FHIT: variants seen among roughly 807,000 people sequenced by gnomAD.
FHIT encodes the protein bis(5'-adenosyl)-triphosphatase.
Under a neutral mutation model 17.9 loss-of-function variants are expected in FHIT, and 19 were observed. That is an observed-to-expected ratio of 1.06 (90% CI 0.74 to 1.56). The LOEUF (loss-of-function observed/expected upper bound fraction) is 1.56. Ranked by LOEUF, FHIT falls within the 40% of genes most tolerant of loss-of-function variation. The pLI, the probability that FHIT is intolerant of heterozygous loss-of-function variation, is 0.00. For missense variants in FHIT, 248 were observed against 189.2 expected, an observed-to-expected ratio of 1.31 and a Z score of -1.82; for synonymous variants, 81 against 69.7, an observed-to-expected ratio of 1.16 and a Z score of -0.81.
chr3:60,788,395 CTT>C (rs1700656355), intron 4 of FHIT, among the ~76,000 whole-genome samples: 1 of 152,090 alleles, frequency 6.6e-6, no homozygotes, highest in South Asian at 2.1e-4. Flanking sequence ...TTTGTGGAGA[CTT>C]TATACAACAA....
At chr3:60,186,865 T>C (rs1702181007) in intron 5 of FHIT, among the ~76,000 whole-genome samples, 1 of 152,072 alleles carries the variant, frequency 6.6e-6, no homozygotes, top group South Asian at 2.1e-4. Context: ...TCCTATGTTC[T>C]ACACTCCCTC....
At chr3:59,935,585 A>G (rs762461456) in intron 7 of FHIT, among the ~76,000 whole-genome samples, 4 of 152,030 alleles carry the variant, frequency 2.6e-5, no homozygotes, top group Admixed American at 6.6e-5. Flanking sequence ...CCCTAACCCT[A>G]GGTTCCTAGG....
chr3:60,079,617 AT>A (rs1386478017), intron 5 of FHIT, among the ~76,000 whole-genome samples: 1 of 151,688 alleles, frequency 6.6e-6, no homozygotes, highest in Non-Finnish European at 1.5e-5. Flanking sequence ...ACCTTCTCTT[AT>A]TTTTTTGTTT....
At chr3:60,317,662 C>T (rs1009480189) in intron 5 of FHIT, among the ~76,000 whole-genome samples, 1 of 143,914 alleles carries the variant, frequency 6.9e-6, no homozygotes, top group Admixed American at 7.0e-5. Context: ...TAATATTTTC[C>T]CCATTAACAA....
intron 4 of FHIT, among the ~76,000 whole-genome samples, chr3:60,614,915 C>T (rs1194128201): frequency 6.9e-5 from 10 of 145,152 alleles, no homozygotes; most frequent in South Asian, 2.2e-4. Flanking sequence ...CTACAACCTC[C>T]GCCTCCCAGG....
At position 60,672,911 on chromosome 3, in the gene FHIT, G is replaced by A. The variant is rs1273321018; in HGVS notation, c.-17-135932C>T. On this transcript the variant is annotated intron_variant, in intron 4 of 9. Transcript: ENST00000492590. The stretch of plus-strand genomic sequence containing the variant: ...TGTGTGTGTGTGTGTGTGTGTGCAT[G>A]CATGCTCTAGGACTAACAATATGCA... Among the ~76,000 whole-genome samples, 6 of 151,316 alleles carry A rather than the reference G, an allele frequency of 4.0e-5. No individual in the cohort carries two copies. The East Asian group carries it at 9.7e-4, about 25-fold the overall frequency.
intron 5 of FHIT, among the ~76,000 whole-genome samples, chr3:60,401,096 C>T (rs1039119740): frequency 6.6e-6 from 1 of 152,012 alleles, no homozygotes; most frequent in Non-Finnish European, 1.5e-5. Context: ...CCTGGTAGCA[C>T]CTGATTTAAA....
chr3:60,850,842 T>C (rs1192647125), intron 3 of FHIT, among the ~76,000 whole-genome samples: 2 of 152,200 alleles, frequency 1.3e-5, no homozygotes, highest in African/African-American at 4.8e-5. Context: ...TTACTTTGAA[T>C]AGCATCTTAT....
chr3:59,984,815 C>T (rs1236914770), intron 7 of FHIT, among the ~76,000 whole-genome samples: 2 of 152,078 alleles, frequency 1.3e-5, no homozygotes, highest in Non-Finnish European at 2.9e-5. Context: ...CCCAGCACAA[C>T]TGGGCGGGGC....
chr3:60,430,907 C>T (rs1401684500), intron 5 of FHIT, among the ~76,000 whole-genome samples: 2 of 151,932 alleles, frequency 1.3e-5, no homozygotes, highest in Admixed American at 6.6e-5. Flanking sequence ...CAAGATTGCT[C>T]CTTTTTCTCA....
intron 3 of FHIT, among the ~76,000 whole-genome samples, chr3:60,837,764 T>A (rs1466846231): frequency 1.3e-5 from 2 of 152,152 alleles, no homozygotes; most frequent in Non-Finnish European, 2.9e-5. Flanking sequence ...TGTCTTTCAG[T>A]GCATTTCTGT....
At chr3:60,907,430 T>G (rs1706488708) in intron 3 of FHIT, among the ~76,000 whole-genome samples, 1 of 152,130 alleles carries the variant, frequency 6.6e-6, no homozygotes, top group South Asian at 2.1e-4. Context: ...ACAAAATAAC[T>G]AAGTGAAATG....
chr3:59,841,628 C>A (rs1045895656), intron 8 of FHIT, among the ~76,000 whole-genome samples: 3 of 152,088 alleles, frequency 2.0e-5, no homozygotes, highest in Non-Finnish European at 4.4e-5. Context: ...GGTGTTGATG[C>A]CTAATAAACA....
chr3:60,448,752 G>A (rs1052824979), intron 5 of FHIT, among the ~76,000 whole-genome samples: 19 of 152,050 alleles, frequency 1.2e-4, no homozygotes, highest in Non-Finnish European at 1.5e-5. Flanking sequence ...CTTAAATTCT[G>A]AGCTTAATAT....
chr3:60,343,742 G>A (rs776340496), intron 5 of FHIT, among the ~76,000 whole-genome samples: 1 of 151,986 alleles, frequency 6.6e-6, no homozygotes, highest in Non-Finnish European at 1.5e-5. Flanking sequence ...ATGCACTGTG[G>A]ATACATCTGT....
intron 5 of FHIT, among the ~76,000 whole-genome samples, chr3:60,341,283 T>C (rs1323070849): frequency 6.6e-6 from 1 of 152,180 alleles, no homozygotes; most frequent in Non-Finnish European, 1.5e-5. Context: ...TATTATTTTG[T>C]AATAATATGT....
chr3:60,121,517 C>G (rs1251577228), intron 5 of FHIT, among the ~76,000 whole-genome samples: 2 of 151,962 alleles, frequency 1.3e-5, no homozygotes, highest in Admixed American at 6.6e-5. Context: ...GAGATCCCAT[C>G]TCTACCAAAC....
chr3:60,666,866 T>TTC (rs2040393184), intron 4 of FHIT, among the ~76,000 whole-genome samples: 1 of 118,240 alleles, frequency 8.5e-6, no homozygotes, highest in African/African-American at 2.7e-5. Context: ...TTTCTTTTCT[T>TTC]TTTTTTTTTT....
chr3:60,589,944 CTT>C (rs1398628338), intron 4 of FHIT, among the ~76,000 whole-genome samples: 1 of 152,040 alleles, frequency 6.6e-6, no homozygotes, highest in Non-Finnish European at 1.5e-5. Flanking sequence ...CCTTGACCCT[CTT>C]CAACTCTGGG....
Sources: allele counts gnomAD v4.1 joint callset (sites outside exome capture counted in the v4.1 genomes callset), GRCh38; gene constraint gnomAD v4.1.1; transcripts MANE v1.5; gene names NCBI Gene and HGNC (gene_info 2026-07-23, HGNC 2026-07-21).